ABCC6: variants seen among roughly 807,000 people sequenced by gnomAD.
ABCC6 encodes the protein ATP binding cassette subfamily C member 6.
ABCC6 carries 126 observed loss-of-function variants against 169.5 expected under a neutral mutation model. That is an observed-to-expected ratio of 0.74 (90% CI 0.64 to 0.86). ABCC6 has a LOEUF of 0.86. Ranked by LOEUF, ABCC6 falls within the 40% of genes least tolerant of loss-of-function variation. The pLI is 0.00. For synonymous variants in ABCC6, 752 were observed against 814.7 expected, an observed-to-expected ratio of 0.92 and a Z score of 1.31; for missense variants, 1,733 against 1,927.2, an observed-to-expected ratio of 0.90 and a Z score of 1.89.
At position 16,175,908 on chromosome 16, in the gene ABCC6, C is replaced by G; in HGVS notation, c.2666+3G>C. The G allele has an allele frequency of 6.2e-7, 1 of 1,614,126 alleles. No homozygotes were observed. Among genetic ancestry groups the G allele is most frequent in the Non-Finnish European group, 8.5e-7 (1 of 1,180,018 alleles). The stretch of plus-strand genomic sequence containing the variant: ...TCTGAGTGTGGCACCATGGTGGACT[C>G]ACCTCTCGCGTCTAAGCTCGGGCCT... On this transcript the variant is annotated splice_donor_region_variant and intron_variant, in intron 20 of 30. Transcript: ENST00000205557.
At chr16:16,183,634 A>G (rs1480915687) in intron 15 of ABCC6, among the ~76,000 whole-genome samples, 3 of 152,156 alleles carry the variant, frequency 2.0e-5, no homozygotes, top group African/African-American at 7.2e-5. Context: ...CTTGAACACA[A>G]AAGGCCAGTG....
intron 22 of ABCC6, among the ~76,000 whole-genome samples, chr16:16,168,591 G>A (rs2046956293): frequency 6.6e-6 from 1 of 152,166 alleles, no homozygotes; most frequent in Non-Finnish European, 1.5e-5. Flanking sequence ...CAGGGGTTGG[G>A]GACAGGGTGG....
At chr16:16,166,321 T>C (rs2152229369) in intron 22 of ABCC6, among the ~76,000 whole-genome samples, 1 of 152,082 alleles carries the variant, frequency 6.6e-6, no homozygotes, top group East Asian at 1.9e-4. Flanking sequence ...AGTGCTGAGA[T>C]GACAGGCATG....
chr16:16,159,336 G>A (rs1217942349), intron 26 of ABCC6, 146 bp downstream of exon 26: 2 of 801,178 alleles, frequency 2.5e-6, no homozygotes, highest in Admixed American at 4.1e-5. Flanking sequence ...CACCCTGTCT[G>A]TGACTCTGAC....
At chr16:16,184,522 G>T (rs886660163) in intron 15 of ABCC6, among the ~76,000 whole-genome samples, 10 of 152,268 alleles carry the variant, frequency 6.6e-5, no homozygotes, top group African/African-American at 2.4e-4. Context: ...GGAGTTTCAG[G>T]GCTGTCTGAG....
Position 16,157,994 on chromosome 16 carries a change from G to A in ABCC6, c.3736-185C>T, listed in dbSNP as rs111423295. Among the ~76,000 whole-genome samples the A allele has an allele frequency of 2.0e-5, 3 of 152,256 alleles. 1 individual carries two copies. Among genetic ancestry groups the A allele is most frequent in the African/African-American group, 7.2e-5 (3 of 41,548 alleles). On this transcript the variant is annotated intron_variant, in intron 26 of 30. Transcript: ENST00000205557. ...TATGTCAATGCTAAAAACAGATGGT[G>A]GTGGCTACTTTTAGTCTATTTTATT... is the stretch of plus-strand genomic sequence containing the variant.
chr16:16,161,624 C>T lies in ABCC6; in HGVS notation c.3507-60G>A, dbSNP rs972434852. 1.9e-6 allele frequency: 3 copies of T among 1,610,242 alleles called. No homozygotes were observed. The Admixed American group carries it at 5.0e-5, about 27-fold the overall frequency. On this transcript the variant is annotated intron_variant, in intron 24 of 30. Transcript: ENST00000205557. The stretch of plus-strand genomic sequence containing the variant: ...CTCTCATCTGCAGGGAGATGCTTCT[C>T]TGGGCACAAGGACTGGTCATCACAC...
At chr16:16,191,399 G>A (rs562553367) in intron 11 of ABCC6, among the ~76,000 whole-genome samples, 1 of 151,988 alleles carries the variant, frequency 6.6e-6, no homozygotes, top group Admixed American at 6.6e-5. Flanking sequence ...TACAGGTGTG[G>A]CCTCCCAAAG....
chr16:16,187,909 AAATAAATAAATAAAT>A (rs1567509785), intron 13 of ABCC6, among the ~76,000 whole-genome samples: 21 of 88,256 alleles, frequency 2.4e-4, no homozygotes, highest in African/African-American at 7.6e-4. Context: ...TAAATAAATT[AAATAAATAAATAAAT>A]AAATAAATAA....
intron 10 of ABCC6, among the ~76,000 whole-genome samples, chr16:16,197,449 AAGG>A (rs908568032): frequency 1.7e-4 from 26 of 149,970 alleles, no homozygotes; most frequent in African/African-American, 3.2e-4. Flanking sequence ...GGAGGAGAAA[AAGG>A]AGGAGAGGAA....
intron 5 of ABCC6, among the ~76,000 whole-genome samples, chr16:16,212,991 A>G (rs4595821): frequency 1.8e-4 from 28 of 152,216 alleles, no homozygotes; most frequent in African/African-American, 6.5e-4. Context: ...TTTTGCCATC[A>G]CAGCTTATTA....
chr16:16,181,291 C>T (rs150943784), intron 17 of ABCC6, among the ~76,000 whole-genome samples: 1 of 147,974 alleles, frequency 6.8e-6, no homozygotes, highest in African/African-American at 2.5e-5. Context: ...TACAGTGAGC[C>T]AAGATTGTGC....
intron 19 of ABCC6, 41 bp from the exon 20 acceptor site, chr16:16,176,027 A>G (rs369477262): frequency 1.3e-5 from 20 of 1,597,184 alleles, no homozygotes; most frequent in Non-Finnish European, 1.5e-5. Flanking sequence ...CACGGCCCAG[A>G]TACCCACTTT....
intron 17 of ABCC6, among the ~76,000 whole-genome samples, chr16:16,180,550 T>C (rs2047433993): frequency 6.6e-6 from 1 of 152,182 alleles, no homozygotes; most frequent in Non-Finnish European, 1.5e-5. Context: ...TGGAGTGCAA[T>C]GGCTTGATCT....
chr16:16,158,369 A>G (rs963461077), intron 26 of ABCC6, among the ~76,000 whole-genome samples: 1 of 151,856 alleles, frequency 6.6e-6, no homozygotes, highest in African/African-American at 2.4e-5. Context: ...TCTTCCACCC[A>G]ATCCCATCCA....
intron 4 of ABCC6, among the ~76,000 whole-genome samples, chr16:16,216,270 C>T (rs56063515): frequency 0.035 from 5,311 of 151,928 alleles, 110 homozygotes; most frequent in African/African-American, 0.045. Context: ...TGACTATAGT[C>T]ACCCTGTTGT....
At chr16:16,152,543 G>A (rs1255837188) in intron 29 of ABCC6, among the ~76,000 whole-genome samples, 1 of 152,072 alleles carries the variant, frequency 6.6e-6, no homozygotes. Flanking sequence ...GTGTGACTCA[G>A]GACTAAAATG....
intron 10 of ABCC6, among the ~76,000 whole-genome samples, chr16:16,196,497 T>G (rs995712589): frequency 2.0e-5 from 3 of 152,178 alleles, no homozygotes; most frequent in African/African-American, 7.2e-5. Flanking sequence ...GGCACCCTTT[T>G]AAGTGCTTTC....
Position 16,150,029 on chromosome 16 carries a change from G to T in ABCC6, c.*104C>A. ...CTCCCAGAGAGCAAACACAGGTCTAGACTCAATATCGTGTGGAGCTATCGA... is the reference window on the plus strand; with the variant it reads ...CTCCCAGAGAGCAAACACAGGTCTATACTCAATATCGTGTGGAGCTATCGA... On this transcript the variant is annotated 3_prime_UTR_variant, in exon 31 of 31. Transcript: ENST00000205557. 1 of 1,515,796 alleles carries T rather than the reference G, an allele frequency of 6.6e-7. No homozygotes were observed. The highest frequency in any genetic ancestry group is 1.2e-5 in the South Asian group (1 of 83,894). 93.9% of individuals were successfully genotyped at this position (1,515,796 alleles called of 1,614,324 possible). A position where few individuals can be genotyped will look rare whatever the true frequency, so the allele number is the denominator to read the frequency against.
Sources: allele counts gnomAD v4.1 joint callset (sites outside exome capture counted in the v4.1 genomes callset), GRCh38; gene constraint gnomAD v4.1.1; transcripts MANE v1.5; gene names NCBI Gene and HGNC (gene_info 2026-07-23, HGNC 2026-07-21).